Variants in QSOX1 observed in about 807,000 individuals in gnomAD.
QSOX1 encodes sulfhydryl oxidase 1.
QSOX1 carries 40 observed loss-of-function variants against 76.1 expected under a neutral mutation model. That is an observed-to-expected ratio of 0.53 (90% CI 0.41 to 0.68). The LOEUF (loss-of-function observed/expected upper bound fraction) is 0.68, where lower values mean the gene tolerates loss of function less well. Ranked by LOEUF, QSOX1 falls within the 30% of genes least tolerant of loss-of-function variation. The pLI is 0.00. For synonymous variants in QSOX1, 392 were observed against 413.1 expected (o/e 0.95, Z 0.62); for missense variants, 931 against 974.3 (o/e 0.96, Z 0.59).
Position 180,197,320 on chromosome 1 carries a change from T to C in QSOX1, c.*283T>C. On this transcript the variant is annotated 3_prime_UTR_variant, in exon 12 of 12. Transcript: ENST00000367602. ...AGTCCCTGGCCTCTTAGCACCACAT[T>C]CCTGTTTTTCAGCTTATTTGAAGTC... The C allele has an allele frequency of 6.2e-7, 1 of 1,613,956 alleles. No homozygotes were observed. Among genetic ancestry groups the C allele is most frequent in the Non-Finnish European group, 8.5e-7 (1 of 1,179,992 alleles).
At chr1:180,172,458 G>A (rs569260472) in intron 2 of QSOX1, among the ~76,000 whole-genome samples, 1 of 152,146 alleles carries the variant, frequency 6.6e-6, no homozygotes, top group African/African-American at 2.4e-5. Context: ...CTGGCTGACC[G>A]AGGTTCCTGG....
chr1:180,188,102 C>T (rs1316147423), intron 8 of QSOX1, among the ~76,000 whole-genome samples: 1 of 152,206 alleles, frequency 6.6e-6, no homozygotes, highest in Non-Finnish European at 1.5e-5. Context: ...AAGCACCTTG[C>T]CAGGGTCTTC....
chr1:180,197,963 T>C lies in QSOX1; in HGVS notation c.*926T>C. On this transcript the variant is annotated 3_prime_UTR_variant, in exon 12 of 12. Coordinates refer to ENST00000367602, the MANE Select transcript of QSOX1 (RefSeq NM_002826.5). ...GAAGGGTCTGGCGGGGGCAGTGCCTTACACATGCTTGATTCCCACGCTACC... is the reference window on the plus strand; with the variant it reads ...GAAGGGTCTGGCGGGGGCAGTGCCTCACACATGCTTGATTCCCACGCTACC... The C allele has an allele frequency of 2.8e-6, 1 of 354,876 alleles. No homozygotes were observed. Among genetic ancestry groups the C allele is most frequent in the Non-Finnish European group, 5.6e-6 (1 of 177,124 alleles). The allele number at this position is 354,876 out of a possible 1,614,324, so 22.0% of individuals were successfully genotyped here.
At chr1:180,165,478 G>C (rs1662592428) in intron 1 of QSOX1, among the ~76,000 whole-genome samples, 1 of 152,234 alleles carries the variant, frequency 6.6e-6, no homozygotes, top group African/African-American at 2.4e-5. Context: ...GTTTCTGCCA[G>C]TCCTCTCCTC....
chr1:180,195,633 C>T (rs996527406), intron 11 of QSOX1, among the ~76,000 whole-genome samples: 1 of 152,132 alleles, frequency 6.6e-6, no homozygotes, highest in African/African-American at 2.4e-5. Context: ...CCTGCAGCCC[C>T]AGCAGCATCC....
chr1:180,203,716 A>G lies in QSOX1; in HGVS notation c.*6679A>G, dbSNP rs1663678570. 1 of 152,262 alleles carries G rather than the reference A, an allele frequency of 6.6e-6. No individual in the cohort carries two copies. Among genetic ancestry groups the G allele is most frequent in the South Asian group, 2.1e-4 (1 of 4,830 alleles). The allele number at this position is 152,262 out of a possible 1,614,324, so 9.4% of individuals were successfully genotyped here. A position where few individuals can be genotyped will look rare whatever the true frequency, so the allele number is the denominator to read the frequency against. ...TGAAACTAGTTAGGAGTATATTCAT[A>G]TAACAAGTGGCTAAGTGTCAGTTAC... is the stretch of plus-strand genomic sequence containing the variant. On this transcript the variant is annotated 3_prime_UTR_variant, in exon 12 of 12. Coordinates refer to ENST00000367602, the MANE Select transcript of QSOX1 (RefSeq NM_002826.5).
intron 10 of QSOX1, among the ~76,000 whole-genome samples, chr1:180,193,583 G>A (rs937180720): frequency 1.3e-5 from 2 of 151,914 alleles, no homozygotes; most frequent in African/African-American, 2.4e-5. Flanking sequence ...GCTTAGGAGG[G>A]GCGTGTTGGA....
chr1:180,188,862 G>T (rs1452480030), intron 8 of QSOX1, among the ~76,000 whole-genome samples: 3 of 152,186 alleles, frequency 2.0e-5, no homozygotes, highest in African/African-American at 7.2e-5. Context: ...TGCTGTGCAC[G>T]TGCACACACG....
At chr1:180,185,621 A>T (rs1429095964) in intron 7 of QSOX1, among the ~76,000 whole-genome samples, 1 of 152,152 alleles carries the variant, frequency 6.6e-6, no homozygotes. Flanking sequence ...GAGAGGGCCC[A>T]GTTTTTCCAG....
In QSOX1 at chr1:180,202,200, C is replaced by G. The variant is rs536835573; in HGVS notation, c.*5163C>G. 1.8e-4 allele frequency: 28 copies of G among 152,476 alleles called. No individual in the cohort carries two copies. The highest frequency in any genetic ancestry group is 6.3e-4 in the African/African-American group (26 of 41,576). 9.4% of individuals were successfully genotyped at this position (152,476 alleles called of 1,614,324 possible). A position where few individuals can be genotyped will look rare whatever the true frequency, so the allele number is the denominator to read the frequency against. ...TAGGTGAGGAGGACTCAGGGAACATCTACAGACTCTAGGGCTAGGGTGAGA... is the reference window on the plus strand; with the variant it reads ...TAGGTGAGGAGGACTCAGGGAACATGTACAGACTCTAGGGCTAGGGTGAGA... On this transcript the variant is annotated 3_prime_UTR_variant, in exon 12 of 12. Transcript: ENST00000367602.
chr1:180,187,499 C>T (rs763571050), intron 8 of QSOX1, among the ~76,000 whole-genome samples: 1 of 152,238 alleles, frequency 6.6e-6, no homozygotes, highest in Non-Finnish European at 1.5e-5. Flanking sequence ...CACCCTAGTC[C>T]AGTACTCTCC....
At chr1:180,176,508 G>A (rs1438886665) in intron 4 of QSOX1, among the ~76,000 whole-genome samples, 1 of 152,204 alleles carries the variant, frequency 6.6e-6, no homozygotes, top group Non-Finnish European at 1.5e-5. Flanking sequence ...GGTCATGCCT[G>A]GGGCATGGGG....
intron 6 of QSOX1, among the ~76,000 whole-genome samples, chr1:180,183,598 G>C: frequency 6.6e-6 from 1 of 152,168 alleles, no homozygotes; most frequent in East Asian, 1.9e-4. Context: ...GCACCGGGCT[G>C]TCCCGTGCCT....
rs1346891975 is a variant in QSOX1, at chr1:180,203,838, TTCTC to T, written c.*6805_*6808del. The T allele has an allele frequency of 1.3e-5, 2 of 152,240 alleles. No homozygotes were observed. Among genetic ancestry groups the T allele is most frequent in the East Asian group, 1.9e-4 (1 of 5,198 alleles). The allele number at this position is 152,240 out of a possible 1,614,324, so 9.4% of individuals were successfully genotyped here. On this transcript the variant is annotated 3_prime_UTR_variant, in exon 12 of 12. Coordinates refer to ENST00000367602, the MANE Select transcript of QSOX1 (RefSeq NM_002826.5). Reference sequence around the variant, plus strand: ...CCACTTGCTGTTTTCTGTCCCTAAATTCTCTCTGAGTACACTGCAGCCCTGAAGT... The same window carrying T: ...CCACTTGCTGTTTTCTGTCCCTAAATTCTGAGTACACTGCAGCCCTGAAGT...
At chr1:180,186,863 C>T (rs1022711378) in intron 8 of QSOX1, among the ~76,000 whole-genome samples, 3 of 152,268 alleles carry the variant, frequency 2.0e-5, no homozygotes, top group Non-Finnish European at 4.4e-5. Context: ...AGCCTGTGCT[C>T]CTTCCTCTCT....
chr1:180,197,444 G>A lies in QSOX1; in HGVS notation c.*407G>A. 3.9e-6 allele frequency: 6 copies of A among 1,531,748 alleles called. No homozygotes were observed. Among genetic ancestry groups the A allele is most frequent in the South Asian group, 1.1e-5 (1 of 88,630 alleles). 94.9% of individuals were successfully genotyped at this position (1,531,748 alleles called of 1,614,324 possible). On this transcript the variant is annotated 3_prime_UTR_variant, in exon 12 of 12. Transcript: ENST00000367602. ...GGAGGGTCCCCCAGCTGGGTGGGCTGGAATGGAACTCCTCACTAGCTGCTG... is the reference window on the plus strand; with the variant it reads ...GGAGGGTCCCCCAGCTGGGTGGGCTAGAATGGAACTCCTCACTAGCTGCTG...
chr1:180,182,219 G>C lies in QSOX1; in HGVS notation c.652G>C (p.Val218Leu), dbSNP rs768818522. 49 of 1,614,232 alleles carry C rather than the reference G, an allele frequency of 3.0e-5. No homozygotes were observed. The highest frequency in any genetic ancestry group is 4.2e-5 in the Non-Finnish European group (49 of 1,180,046). Residue 218 changes from valine to leucine, a missense_variant, in exon 6 of 12, where the codon GTG becomes CTG. Val to Leu is a conservative substitution (Grantham distance 32, BLOSUM62 1). Coordinates refer to ENST00000367602, the MANE Select transcript of QSOX1 (RefSeq NM_002826.5). Reference protein sequence around the residue: ...SQHKGVAVRRVLNTEANVVRK... With the variant: ...SQHKGVAVRRLLNTEANVVRK... ...GCACAAAGGCGTGGCGGTGCGCAGG[G>C]TGCTGAACACAGAGGCCAATGTGGT...
In QSOX1 at chr1:180,201,810, G is replaced by A. The variant is rs1663642138; in HGVS notation, c.*4773G>A. ...AGCAGCACAGTCTTCTCCATAGAGA[G>A]GGGCTGGGCCATGGGACCCCAGTTC... On this transcript the variant is annotated 3_prime_UTR_variant, in exon 12 of 12. Coordinates refer to ENST00000367602, the MANE Select transcript of QSOX1 (RefSeq NM_002826.5). 1 of 152,202 alleles carries A rather than the reference G, an allele frequency of 6.6e-6. No individual in the cohort carries two copies. The highest frequency in any genetic ancestry group is 1.5e-5 in the Non-Finnish European group (1 of 68,078). 9.4% of individuals were successfully genotyped at this position (152,202 alleles called of 1,614,324 possible). A position where few individuals can be genotyped will look rare whatever the true frequency, so the allele number is the denominator to read the frequency against.
intron 2 of QSOX1, among the ~76,000 whole-genome samples, chr1:180,172,250 G>T (rs10798735): frequency 0.029 from 4,379 of 152,304 alleles, 118 homozygotes; most frequent in East Asian, 0.064. Context: ...TAGAAAAGAG[G>T]AATGATGAGA....
Sources: gnomAD v4.1 joint callset for allele counts (sites outside exome capture counted in the v4.1 genomes callset) on GRCh38, gnomAD v4.1.1 for gene constraint, MANE v1.5 for transcripts, NCBI Gene and HGNC (gene_info 2026-07-23, HGNC 2026-07-21) for gene names.